CNTN5: variants seen among roughly 807,000 people sequenced by gnomAD.
CNTN5 encodes contactin-5.
In CNTN5, 77 loss-of-function variants were observed where a neutral mutation model predicts 129.1. That is an observed-to-expected ratio of 0.60 (90% CI 0.50 to 0.72). CNTN5 has a LOEUF of 0.72. CNTN5 is among the 30% of genes least tolerant of loss of function. The pLI is 0.00. For synonymous variants in CNTN5, 509 were observed against 465.6 expected (o/e 1.09, Z -1.20); for missense variants, 1,478 against 1,328.8 (o/e 1.11, Z -1.75).
chr11:100,157,228 A>AAAATCACATACAATTGCACATACTG (rs1435485395), intron 13 of CNTN5, among the ~76,000 whole-genome samples: 2 of 151,958 alleles, frequency 1.3e-5, no homozygotes, highest in Non-Finnish European at 2.9e-5. Context: ...AAAGAGGGAA[A>AAAATCACATACAATTGCACATACTG]AAATCACATA....
intron 3 of CNTN5, among the ~76,000 whole-genome samples, chr11:99,637,983 T>A (rs112514359): frequency 6.6e-6 from 1 of 152,196 alleles, no homozygotes; most frequent in African/African-American, 2.4e-5. Context: ...CTCATAATGA[T>A]GTTTCAGTCA....
intron 1 of CNTN5, among the ~76,000 whole-genome samples, chr11:99,123,385 A>G (rs189291375): frequency 2.0e-5 from 3 of 152,022 alleles, no homozygotes; most frequent in African/African-American, 7.2e-5. Flanking sequence ...CCCACTTATT[A>G]ATGGGTTTGT....
At chr11:100,012,774 G>T (rs1055497665) in intron 9 of CNTN5, among the ~76,000 whole-genome samples, 1 of 152,190 alleles carries the variant, frequency 6.6e-6, no homozygotes, top group Admixed American at 6.6e-5. Context: ...AAGCATCTCA[G>T]TGAGTGAGAA....
chr11:99,093,073 A>G (rs1354363596), intron 1 of CNTN5, among the ~76,000 whole-genome samples: 6 of 152,064 alleles, frequency 3.9e-5, no homozygotes. Context: ...CATGTAGTAC[A>G]TAGCTGTTAG....
chr11:99,859,952 T>C (rs1948156019), intron 6 of CNTN5, among the ~76,000 whole-genome samples: 1 of 152,228 alleles, frequency 6.6e-6, no homozygotes, highest in Non-Finnish European at 1.5e-5. Flanking sequence ...TGGATTTACA[T>C]TCCCATCAAC....
intron 8 of CNTN5, among the ~76,000 whole-genome samples, chr11:99,972,115 G>T: frequency 8.7e-6 from 1 of 114,300 alleles, no homozygotes; most frequent in Admixed American, 9.4e-5. Flanking sequence ...AAAAAAATTA[G>T]CCGGGCGTGG....
intron 2 of CNTN5, among the ~76,000 whole-genome samples, chr11:99,430,289 A>G (rs1247711088): frequency 6.6e-6 from 1 of 152,018 alleles, no homozygotes; most frequent in African/African-American, 2.4e-5. Flanking sequence ...GTTTAAAAAA[A>G]CGAAAGGTTT....
intron 3 of CNTN5, among the ~76,000 whole-genome samples, chr11:99,744,508 G>A (rs1757958537): frequency 8.0e-6 from 1 of 124,558 alleles, no homozygotes; most frequent in Admixed American, 9.7e-5. Context: ...GCGACCGATT[G>A]GGCAACATAG....
intron 3 of CNTN5, among the ~76,000 whole-genome samples, chr11:99,721,865 C>G (rs1013276410): frequency 6.6e-6 from 1 of 152,070 alleles, no homozygotes; most frequent in Non-Finnish European, 1.5e-5. Flanking sequence ...ATACATGTAG[C>G]CAACAAACAT....
intron 15 of CNTN5, among the ~76,000 whole-genome samples, chr11:100,194,159 A>AT (rs1256657988): frequency 3.3e-5 from 5 of 151,874 alleles, no homozygotes; most frequent in Admixed American, 6.6e-5. Context: ...CATTTCTGCC[A>AT]TTTTTTTCTT....
intron 3 of CNTN5, among the ~76,000 whole-genome samples, chr11:99,789,875 A>T (rs1945676244): frequency 6.6e-6 from 1 of 152,040 alleles, no homozygotes; most frequent in South Asian, 2.1e-4. Context: ...CCCATCATCC[A>T]GGTAGTGGGC....
chr11:99,866,025 A>G (rs1015099796), intron 6 of CNTN5, among the ~76,000 whole-genome samples: 2 of 152,186 alleles, frequency 1.3e-5, no homozygotes, highest in Non-Finnish European at 2.9e-5. Context: ...GTTATACTGC[A>G]TAATTCAGTA....
intron 3 of CNTN5, among the ~76,000 whole-genome samples, chr11:99,587,536 T>G (rs545625151): frequency 3.3e-5 from 5 of 152,276 alleles, no homozygotes; most frequent in African/African-American, 1.2e-4. Flanking sequence ...AGGATCCATT[T>G]TCTTCTGGTA....
chr11:99,132,765 A>C (rs1047062609), intron 1 of CNTN5, among the ~76,000 whole-genome samples: 13 of 152,246 alleles, frequency 8.5e-5, no homozygotes, highest in Admixed American at 6.5e-4. Flanking sequence ...GGACACAAGT[A>C]GATGGAGAAA....
At chr11:99,529,279 A>T (rs1384939051) in intron 2 of CNTN5, among the ~76,000 whole-genome samples, 3 of 152,136 alleles carry the variant, frequency 2.0e-5, no homozygotes, top group African/African-American at 7.2e-5. Context: ...AGACATATTC[A>T]AAATAATGCT....
intron 1 of CNTN5, among the ~76,000 whole-genome samples, chr11:99,304,046 G>T (rs992998074): frequency 1.3e-5 from 2 of 152,128 alleles, no homozygotes; most frequent in Non-Finnish European, 1.5e-5. Context: ...GTACCTTGTT[G>T]TTGGGAAGTC....
At chr11:100,287,303 T>G (rs1165791667) in intron 18 of CNTN5, among the ~76,000 whole-genome samples, 2 of 151,466 alleles carry the variant, frequency 1.3e-5, no homozygotes, top group Non-Finnish European at 2.9e-5. Flanking sequence ...GACACATAAT[T>G]GTCAGATTCA....
At chr11:100,077,154 A>G (rs752145189) in intron 13 of CNTN5, among the ~76,000 whole-genome samples, 28 of 152,284 alleles carry the variant, frequency 1.8e-4, no homozygotes, top group Non-Finnish European at 2.8e-4. Flanking sequence ...CACACCAACC[A>G]TTTGATTACA....
rs12272631 is a variant in CNTN5 at position 100,244,677 on chromosome 11, T to C, written c.2006-11083T>C. On this transcript the variant is annotated intron_variant, in intron 16 of 24. Coordinates refer to ENST00000524871, the MANE Select transcript of CNTN5 (RefSeq NM_014361.4). ...AATACTTTGTTGAACTTTGTGGTCATAGGAATATATTGCTATAATAGGATA... is the reference window on the plus strand; with the variant it reads ...AATACTTTGTTGAACTTTGTGGTCACAGGAATATATTGCTATAATAGGATA... Among the ~76,000 whole-genome samples the C allele has an allele frequency of 1.9e-3, 289 of 152,328 alleles. 1 individual carries two copies. The highest frequency in any genetic ancestry group is 6.6e-3 in the African/African-American group (275 of 41,580).
Sources: allele counts gnomAD v4.1 joint callset (sites outside exome capture counted in the v4.1 genomes callset), GRCh38; gene constraint gnomAD v4.1.1; transcripts MANE v1.5; gene names NCBI Gene and HGNC (gene_info 2026-07-23, HGNC 2026-07-21).